BFSP2: variants seen among roughly 807,000 people sequenced by gnomAD.
BFSP2 encodes the protein beaded filament structural protein 2.
Under a neutral mutation model 44.9 loss-of-function variants are expected in BFSP2, and 38 were observed. That is an observed-to-expected ratio of 0.85 (90% CI 0.65 to 1.11). BFSP2 has a LOEUF of 1.11. BFSP2 is among the 50% of genes least tolerant of loss of function. The pLI is 0.00. For missense variants in BFSP2, 525 were observed against 533.0 expected (o/e 0.99, Z 0.15); for synonymous variants, 197 against 209.9 (o/e 0.94, Z 0.53).
intron 1 of BFSP2, among the ~76,000 whole-genome samples, chr3:133,421,910 C>A (rs910845979): frequency 6.6e-6 from 1 of 152,008 alleles, no homozygotes; most frequent in Non-Finnish European, 1.5e-5. Context: ...AGATCAAGAC[C>A]ATCCTGGCCT....
intron 1 of BFSP2, among the ~76,000 whole-genome samples, chr3:133,435,123 G>A (rs2073768720): frequency 6.6e-6 from 1 of 152,196 alleles, no homozygotes; most frequent in Non-Finnish European, 1.5e-5. Flanking sequence ...AATCAGGACT[G>A]TAAGGTGGAC....
At chr3:133,424,038 GCTT>G (rs1409568064) in intron 1 of BFSP2, among the ~76,000 whole-genome samples, 3 of 139,338 alleles carry the variant, frequency 2.2e-5, no homozygotes, top group African/African-American at 8.9e-5. Flanking sequence ...ATTCTCTTCT[GCTT>G]TTTTTTTTTG....
In BFSP2 at chr3:133,400,575, A is replaced by T. The variant is rs757416644; in HGVS notation, c.489+3A>T. ...CCTGGGCCAGCAGCTGCCAGCAGGTAAGTGTCCAGGCTGTGCCAAGGGCTT... is the reference window on the plus strand; with the variant it reads ...CCTGGGCCAGCAGCTGCCAGCAGGTTAGTGTCCAGGCTGTGCCAAGGGCTT... On this transcript the variant is annotated splice_donor_region_variant and intron_variant, in intron 1 of 6. Coordinates refer to ENST00000302334, the MANE Select transcript of BFSP2 (RefSeq NM_003571.4). This position sits in a 1 kb window ranked among gnomAD's most constrained non-coding sequence, Gnocchi z 4.0. The T allele has an allele frequency of 1.3e-6, 2 of 1,594,138 alleles. No homozygotes were observed. Among genetic ancestry groups the T allele is most frequent in the Non-Finnish European group, 8.5e-7 (1 of 1,170,274 alleles).
chr3:133,413,843 A>T (rs1261206466), intron 1 of BFSP2, among the ~76,000 whole-genome samples: 1 of 151,960 alleles, frequency 6.6e-6, no homozygotes, highest in African/African-American at 2.4e-5. Flanking sequence ...AGGACCAACG[A>T]ATAACCATCT....
chr3:133,467,602 G>A (rs377753615), intron 5 of BFSP2, among the ~76,000 whole-genome samples: 4 of 151,900 alleles, frequency 2.6e-5, no homozygotes, highest in Admixed American at 1.3e-4. Context: ...TTGCAAGCTC[G>A]TCTCTTTCAT....
intron 1 of BFSP2, among the ~76,000 whole-genome samples, chr3:133,434,142 T>C (rs1427466038): frequency 5.3e-5 from 8 of 152,274 alleles, no homozygotes; most frequent in Admixed American, 4.6e-4. Context: ...AATAAATAAT[T>C]TTTGCTGGCA....
At chr3:133,467,588 G>T (rs2074124241) in intron 5 of BFSP2, among the ~76,000 whole-genome samples, 1 of 151,522 alleles carries the variant, frequency 6.6e-6, no homozygotes, top group Admixed American at 6.6e-5. Flanking sequence ...AGACTCACTG[G>T]GATTTGCAAG....
At chr3:133,425,943 A>AGG (rs2073646657) in intron 1 of BFSP2, among the ~76,000 whole-genome samples, 1 of 1,104 alleles carries the variant, frequency 9.1e-4, no homozygotes, top group Non-Finnish European at 2.1e-3. Context: ...AGGCAAGGGA[A>AGG]GGGAGGGGAG....
chr3:133,458,506 C>T (rs1256643675), intron 4 of BFSP2, among the ~76,000 whole-genome samples: 1 of 152,080 alleles, frequency 6.6e-6, no homozygotes, highest in African/African-American at 2.4e-5. Context: ...CCAGCCTGGC[C>T]AACATGGTGA....
chr3:133,408,783 G>A (rs992864813), intron 1 of BFSP2, among the ~76,000 whole-genome samples: 1 of 151,920 alleles, frequency 6.6e-6, no homozygotes, highest in Admixed American at 6.6e-5. Flanking sequence ...CTAAGAAAAG[G>A]GAAGGATATG....
intron 1 of BFSP2, among the ~76,000 whole-genome samples, chr3:133,442,435 G>A (rs562860971): frequency 2.0e-5 from 3 of 152,210 alleles, no homozygotes; most frequent in African/African-American, 4.8e-5. Flanking sequence ...GCTTATAGGC[G>A]TGAACCACCA....
chr3:133,464,863 T>C (rs2074094547), intron 4 of BFSP2, among the ~76,000 whole-genome samples: 1 of 152,140 alleles, frequency 6.6e-6, no homozygotes, highest in Admixed American at 6.5e-5. Flanking sequence ...GGCTAACCAG[T>C]CAGAGCTGGG....
intron 1 of BFSP2, among the ~76,000 whole-genome samples, chr3:133,401,826 T>C (rs1044156121): frequency 6.6e-6 from 1 of 152,148 alleles, no homozygotes; most frequent in African/African-American, 2.4e-5. Context: ...AGCTAAGCAG[T>C]TGCACACAGG....
chr3:133,433,109 A>C (rs992303367), intron 1 of BFSP2, among the ~76,000 whole-genome samples: 1 of 152,126 alleles, frequency 6.6e-6, no homozygotes, highest in African/African-American at 2.4e-5. Flanking sequence ...TCCCACAATT[A>C]CTATTGTTCC....
chr3:133,472,447 G>C lies in BFSP2; in HGVS notation c.1126G>C (p.Glu376Gln). 5.0e-6 allele frequency: 8 copies of C among 1,614,100 alleles called. No homozygotes were observed. Among genetic ancestry groups the C allele is most frequent in the Non-Finnish European group, 6.8e-6 (8 of 1,180,032 alleles). Residue 376 changes from glutamate to glutamine, a missense_variant, in exon 6 of 7, where the codon GAA (glutamate) becomes CAA (glutamine). By Grantham distance (29) the Glu-to-Gln change is conservative (BLOSUM62 2). Coordinates refer to ENST00000302334, the MANE Select transcript of BFSP2 (RefSeq NM_003571.4). ...CGGCCGGCTGGAGGCGGAGCTCAGGGAAATCCGAGCGGAGGCGGAGCAGCA... is the reference window on the plus strand; with the variant it reads ...CGGCCGGCTGGAGGCGGAGCTCAGGCAAATCCGAGCGGAGGCGGAGCAGCA... ...VVGRLEAELREIRAEAEQQQQ... is the reference protein window; with the variant it reads ...VVGRLEAELRQIRAEAEQQQQ...
chr3:133,422,105 CAAAAAAA>C (rs35193779), intron 1 of BFSP2, among the ~76,000 whole-genome samples: 4 of 84,110 alleles, frequency 4.8e-5, no homozygotes, highest in Non-Finnish European at 6.3e-5. Context: ...GACTCCATCT[CAAAAAAA>C]AAAAAAAAAA....
intron 1 of BFSP2, among the ~76,000 whole-genome samples, chr3:133,426,202 G>A (rs1399873829): frequency 2.6e-5 from 4 of 151,698 alleles, no homozygotes; most frequent in Non-Finnish European, 4.4e-5. Context: ...TCAGTTGACC[G>A]CCTGTGACCC....
intron 5 of BFSP2, among the ~76,000 whole-genome samples, chr3:133,469,029 C>T (rs996630972): frequency 6.6e-6 from 1 of 152,186 alleles, no homozygotes; most frequent in Non-Finnish European, 1.5e-5. Flanking sequence ...ACAGTAACTC[C>T]AAGTTGGCAT....
chr3:133,406,818 T>C (rs2073408623), intron 1 of BFSP2, among the ~76,000 whole-genome samples: 1 of 152,226 alleles, frequency 6.6e-6, no homozygotes, highest in South Asian at 2.1e-4. Context: ...AGGGAAAAAT[T>C]TGGTCTTTCT....
Sources: allele counts gnomAD v4.1 joint callset (sites outside exome capture counted in the v4.1 genomes callset), GRCh38; gene constraint gnomAD v4.1.1; non-coding constraint Gnocchi (gnomAD v3.1); transcripts MANE v1.5; gene names NCBI Gene and HGNC (gene_info 2026-07-23, HGNC 2026-07-21).